LOXHD1: variants seen among roughly 807,000 people sequenced by gnomAD.
The protein encoded by LOXHD1 is lipoxygenase homology domain-containing protein 1.
A neutral mutation model predicts 248.2 loss-of-function variants in LOXHD1; 205 were observed. The ratio of observed to expected loss-of-function variants is 0.83; its 90% CI spans 0.74 to 0.93. The LOEUF (loss-of-function observed/expected upper bound fraction) is 0.93. LOXHD1 is among the 40% of genes least tolerant of loss of function. The pLI is 0.00. For missense variants in LOXHD1, 2,930 were observed against 2,971.6 expected, an observed-to-expected ratio of 0.99 and a Z score of 0.33; for synonymous variants, 1,113 against 1,162.8, an observed-to-expected ratio of 0.96 and a Z score of 0.87.
chr18:46,546,532 CCATTCCATTT>C (rs1301595756), intron 22 of LOXHD1, among the ~76,000 whole-genome samples: 2 of 152,042 alleles, frequency 1.3e-5, no homozygotes, highest in Non-Finnish European at 2.9e-5. Context: ...CTACTCCATT[CCATTCCATTT>C]CATTCCAACC....
At position 46,572,102 on chromosome 18, in the gene LOXHD1, G is replaced by T. The variant is rs2037763300; in HGVS notation, c.2031C>A (p.Ser677Arg). The T allele has an allele frequency of 6.4e-7, 1 of 1,551,686 alleles. No homozygotes were observed. Among genetic ancestry groups the T allele is most frequent in the Non-Finnish European group, 8.7e-7 (1 of 1,147,010 alleles). The change falls in exon 15 of 41, where the codon AGC (serine) becomes AGA (arginine). Residue 677 changes from serine to arginine, a missense_variant. Ser to Arg is a moderately radical substitution (Grantham distance 110). Coordinates refer to ENST00000642948, the MANE Select transcript of LOXHD1 (RefSeq NM_001384474.1). ...ACAACTCACTCTTCAGTGTCGCGCT[G>T]CTGTCACTGGGTAGCAACTCTCGGA... ...QLVRELLPSDSSATLKNFRYH... is the reference protein window; with the variant it reads ...QLVRELLPSDRSATLKNFRYH...
chr18:46,632,933 G>A (rs563179466), intron 4 of LOXHD1, among the ~76,000 whole-genome samples: 25 of 152,264 alleles, frequency 1.6e-4, no homozygotes, highest in South Asian at 4.1e-4. Context: ...AGACTGGGGC[G>A]CCCACTCCTA....
At chr18:46,591,135 G>A (rs1325064976) in intron 12 of LOXHD1, among the ~76,000 whole-genome samples, 3 of 152,184 alleles carry the variant, frequency 2.0e-5, no homozygotes, top group South Asian at 4.1e-4. Context: ...ATTTAGAAGG[G>A]CTACTGGAAC....
chr18:46,534,367 C>T lies in LOXHD1; in HGVS notation c.4180G>A (p.Val1394Met), dbSNP rs368216643. The change falls in exon 27 of 41, where the codon GTG (valine) becomes ATG (methionine). Residue 1394 changes from valine (V) to methionine (M), a missense_variant. Physicochemically the swap from Val to Met is conservative, Grantham distance 21. Transcript: ENST00000642948. The stretch of plus-strand genomic sequence containing the variant: ...TCCGGGAGGAGCCTGCGGATGTCCA[C>T]GTGAGAGCAGTGCCACCCAGGATTC... ...GMNPGWHCSHVDIRRLLPDKD... is the reference protein window; with the variant it reads ...GMNPGWHCSHMDIRRLLPDKD... 96 of 1,551,586 alleles carry T rather than the reference C, an allele frequency of 6.2e-5. No homozygotes were observed. The African/African-American group carries it at 7.0e-4, about 11-fold the overall frequency.
At chr18:46,544,324 G>C (rs1225682872) in intron 23 of LOXHD1, among the ~76,000 whole-genome samples, 6 of 152,204 alleles carry the variant, frequency 3.9e-5, no homozygotes. Flanking sequence ...CTGTTGTGAG[G>C]ACTTAATGAG....
At chr18:46,581,752 A>G (rs923882151) in intron 12 of LOXHD1, among the ~76,000 whole-genome samples, 1 of 152,226 alleles carries the variant, frequency 6.6e-6, no homozygotes, top group African/African-American at 2.4e-5. Flanking sequence ...TAGACATATT[A>G]TAGTCAAACT....
At chr18:46,577,019 C>G (rs1451644018) in intron 14 of LOXHD1, among the ~76,000 whole-genome samples, 1 of 152,206 alleles carries the variant, frequency 6.6e-6, no homozygotes. Flanking sequence ...AGCAACTCAT[C>G]TCTACATACA....
chr18:46,654,683 C>T (rs762858974), intron 1 of LOXHD1, among the ~76,000 whole-genome samples: 2 of 152,222 alleles, frequency 1.3e-5, no homozygotes, highest in Non-Finnish European at 2.9e-5. Flanking sequence ...CCACGTAACA[C>T]CAGAGCCCAG....
intron 35 of LOXHD1, 60 bp from the exon 36 acceptor site, chr18:46,507,772 C>G: frequency 6.7e-7 from 1 of 1,497,040 alleles, no homozygotes; most frequent in Non-Finnish European, 9.0e-7. Context: ...ACCAGCACCC[C>G]CTGGCTCATG....
At chr18:46,572,945 C>A (rs573284774) in intron 14 of LOXHD1, among the ~76,000 whole-genome samples, 1 of 145,508 alleles carries the variant, frequency 6.9e-6, no homozygotes, top group Admixed American at 7.3e-5. Flanking sequence ...ATTGTGTGAA[C>A]CCAGGAGGCG....
chr18:46,643,802 C>T (rs763842248), intron 2 of LOXHD1, among the ~76,000 whole-genome samples: 3 of 151,980 alleles, frequency 2.0e-5, no homozygotes, highest in Non-Finnish European at 2.9e-5. Flanking sequence ...CCCTGGGAAG[C>T]TATATAATGA....
At chr18:46,542,910 A>G in intron 23 of LOXHD1, 55 bp from the exon 24 acceptor site, 4 of 1,549,758 alleles carry the variant, frequency 2.6e-6, no homozygotes, top group Non-Finnish European at 2.6e-6. Context: ...TTTCAAGCCT[A>G]GTCAGACCCA....
intron 33 of LOXHD1, among the ~76,000 whole-genome samples, chr18:46,519,777 C>T (rs1429174065): frequency 6.6e-6 from 1 of 152,200 alleles, no homozygotes; most frequent in Non-Finnish European, 1.5e-5. Context: ...AGATACATCT[C>T]TTTTTATGTA....
intron 36 of LOXHD1, among the ~76,000 whole-genome samples, chr18:46,506,450 G>C (rs1033128006): frequency 2.0e-5 from 3 of 152,188 alleles, no homozygotes; most frequent in Admixed American, 2.0e-4. Flanking sequence ...TTCTACACTA[G>C]AGCTTCATAT....
intron 34 of LOXHD1, among the ~76,000 whole-genome samples, chr18:46,513,392 G>C (rs2035077738): frequency 6.6e-6 from 1 of 152,200 alleles, no homozygotes; most frequent in Admixed American, 6.5e-5. Flanking sequence ...AAAAAGAAAA[G>C]GGAGGTCTTT....
chr18:46,521,184 G>C lies in LOXHD1; in HGVS notation c.5184C>G (p.Asn1728Lys), dbSNP rs1229715517. 1 of 1,551,780 alleles carries C rather than the reference G, an allele frequency of 6.4e-7. No individual in the cohort carries two copies. Among genetic ancestry groups the C allele is most frequent in the African/African-American group, 1.4e-5 (1 of 73,166 alleles). The stretch of plus-strand genomic sequence containing the variant: ...CGCCTCTGTCCTTGGCCAGCCAGCA[G>C]TTACAGTTCAACATGTACTTGGTGC... The part of the protein sequence containing the change: ...TQGTKYMLNC[N>K]CWLAKDRGDG... Residue 1728 changes from asparagine (N) to lysine (K), a missense_variant, in exon 33 of 41, where the codon AAC becomes AAG. By Grantham distance (94) the Asn-to-Lys change is moderately conservative. Coordinates refer to ENST00000642948, the MANE Select transcript of LOXHD1 (RefSeq NM_001384474.1).
chr18:46,510,976 G>A (rs1366747147), intron 34 of LOXHD1, among the ~76,000 whole-genome samples: 3 of 152,198 alleles, frequency 2.0e-5, no homozygotes, highest in Non-Finnish European at 2.9e-5. Flanking sequence ...ACTCTTGCCA[G>A]GAGCATGATT....
Position 46,542,821 on chromosome 18 carries a change from G to T in LOXHD1, c.3654C>A (p.Ser1218Arg). ...MTLLKSSKTN[S>R]DKFERDSIEI... ...CAATGCTGTCCCTCTCAAACTTATC[G>T]CTGTTTGTCTTGGAGGACTTCAGGA... The change falls in exon 24 of 41, where the codon AGC (serine) becomes AGA (arginine). Residue 1218 changes from serine (S) to arginine (R), a missense_variant. Transcript: ENST00000642948. 1 of 1,551,568 alleles carries T rather than the reference G, an allele frequency of 6.4e-7. No homozygotes were observed. Among genetic ancestry groups the T allele is most frequent in the Non-Finnish European group, 8.7e-7 (1 of 1,146,964 alleles).
At chr18:46,574,201 C>A (rs1281607708) in intron 14 of LOXHD1, among the ~76,000 whole-genome samples, 1 of 152,134 alleles carries the variant, frequency 6.6e-6, no homozygotes, top group Non-Finnish European at 1.5e-5. Context: ...GAAACCATGA[C>A]TTGTCATTTT....
Sources: allele counts gnomAD v4.1 joint callset (sites outside exome capture counted in the v4.1 genomes callset), GRCh38; gene constraint gnomAD v4.1.1; transcripts MANE v1.5; gene names NCBI Gene and HGNC (gene_info 2026-07-23, HGNC 2026-07-21).